PRH1: variants seen among roughly 807,000 people sequenced by gnomAD.
PRH1 encodes proline rich protein HaeIII subfamily 1, also known as salivary acidic proline-rich phosphoprotein 1/2.
Under a neutral mutation model 7.9 loss-of-function variants are expected in PRH1, and 7 were observed. The ratio of observed to expected loss-of-function variants is 0.89; its 90% confidence interval spans 0.50 to 1.67. PRH1 has a LOEUF of 1.67. PRH1 is among the 40% of genes most tolerant of loss of function. PRH1 has a pLI of 0.00. For missense variants in PRH1, 109 were observed against 223.6 expected (o/e 0.49, Z 3.27); for synonymous variants, 45 against 80.8 (o/e 0.56, Z 2.38).
chr12:11,070,853 G>C (rs1944034537), intron 1 of PRH1, among the ~76,000 whole-genome samples: 1 of 151,966 alleles, frequency 6.6e-6, no homozygotes. Context: ...CTTTTTCAGA[G>C]AGACAGTCTC....
chr12:11,164,475 T>C (rs1947513277), intron 1 of PRH1, among the ~76,000 whole-genome samples: 1 of 152,198 alleles, frequency 6.6e-6, no homozygotes, highest in African/African-American at 2.4e-5. Context: ...AATTGGCTCA[T>C]AATTATGATT....
chr12:10,887,386 C>T (rs113936086), upstream of PRH1, among the ~76,000 whole-genome samples: 14 of 152,250 alleles, frequency 9.2e-5, no homozygotes, highest in African/African-American at 3.4e-4. Flanking sequence ...GTCTCTGAGA[C>T]TTCAACTTGC....
At chr12:11,022,544 A>G (rs1308016448) in intron 1 of PRH1, 3 of 1,611,964 alleles carry the variant, frequency 1.9e-6, no homozygotes, top group African/African-American at 1.3e-5. Flanking sequence ...ACCAGAATTG[A>G]TGAAATGATG....
chr12:10,972,871 A>C (rs1334262177), intron 2 of PRH1, among the ~76,000 whole-genome samples: 1 of 151,298 alleles, frequency 6.6e-6, no homozygotes, highest in African/African-American at 2.4e-5. Context: ...GGTTGCTGCT[A>C]ATACCTCTGT....
chr12:11,099,678 CAG>C (rs1373600392), intron 1 of PRH1, among the ~76,000 whole-genome samples: 2 of 152,108 alleles, frequency 1.3e-5, no homozygotes, highest in Non-Finnish European at 2.9e-5. Flanking sequence ...GCCTGGGCAA[CAG>C]AGTGAGACTC....
intron 1 of PRH1, among the ~76,000 whole-genome samples, chr12:11,093,817 A>T (rs1201661398): frequency 8.8e-6 from 1 of 114,070 alleles, no homozygotes; most frequent in African/African-American, 2.9e-5. Context: ...CTTTCCATAG[A>T]GATTTGAGAT....
intron 2 of PRH1, among the ~76,000 whole-genome samples, chr12:10,894,080 C>A (rs1251725555): frequency 1.3e-5 from 2 of 151,886 alleles, no homozygotes; most frequent in African/African-American, 4.8e-5. Flanking sequence ...AAATGAGATC[C>A]TGTATTTGTT....
rs140991418 is a variant in PRH1, at chr12:10,985,601, A to G, written c.-125-11880T>C. Among the ~76,000 whole-genome samples, 346 of 152,292 alleles carry G rather than the reference A, an allele frequency of 2.3e-3. 4 individuals are homozygous for G. Among genetic ancestry groups the G allele is most frequent in the African/African-American group, 7.8e-3 (325 of 41,552 alleles). Reference sequence around the variant, plus strand: ...ATAAGTAAAGATCACACAGTTTTCAAGTGAAACATGATAATATGAAATGTA... The same window carrying G: ...ATAAGTAAAGATCACACAGTTTTCAGGTGAAACATGATAATATGAAATGTA... On this transcript the variant is annotated intron_variant, in intron 1 of 3. Transcript: ENST00000539853.
At chr12:11,069,002 A>G (rs1420360625) in intron 1 of PRH1, among the ~76,000 whole-genome samples, 1 of 126,234 alleles carries the variant, frequency 7.9e-6, no homozygotes, top group African/African-American at 2.6e-5. Flanking sequence ...ACTGCTCTCT[A>G]CAGCTCCCAG....
chr12:10,884,485 C>T (rs1024062485), upstream of PRH1, among the ~76,000 whole-genome samples: 6 of 152,270 alleles, frequency 3.9e-5, no homozygotes, highest in East Asian at 5.8e-4. Context: ...AATGTTTTGA[C>T]GGAACTGTGT....
chr12:11,089,071 G>A (rs540915357), intron 1 of PRH1, among the ~76,000 whole-genome samples: 1 of 116,196 alleles, frequency 8.6e-6, no homozygotes, highest in African/African-American at 2.9e-5. Flanking sequence ...TGGAGGGTAT[G>A]AGCACGCCTC....
intron 2 of PRH1, among the ~76,000 whole-genome samples, chr12:10,893,892 C>A (rs896673269): frequency 6.6e-6 from 1 of 151,878 alleles, no homozygotes; most frequent in Non-Finnish European, 1.5e-5. Context: ...TTACTGTTAC[C>A]TTAAACTTGC....
At chr12:10,970,563 G>GT (rs112603233) in intron 2 of PRH1, among the ~76,000 whole-genome samples, 33,863 of 143,130 alleles carry the variant, frequency 0.24, 3,642 homozygotes, top group Non-Finnish European at 0.25. Context: ...AAGTTTTTTT[G>GT]TTTTTTTTTT....
chr12:10,998,645 T>C (rs925498541), intron 1 of PRH1, among the ~76,000 whole-genome samples: 1 of 152,146 alleles, frequency 6.6e-6, no homozygotes. Context: ...GAATTAGTCC[T>C]ATTTTTCCCA....
At chr12:11,156,847 T>TTTCAA (rs958645279) in intron 1 of PRH1, among the ~76,000 whole-genome samples, 3 of 45,772 alleles carry the variant, frequency 6.6e-5, no homozygotes, top group Non-Finnish European at 2.0e-4. Context: ...AACACCAATT[T>TTTCAA]TTTTTTTTTT....
chr12:10,963,334 A>C (rs1330818996), intron 2 of PRH1, among the ~76,000 whole-genome samples: 1 of 152,228 alleles, frequency 6.6e-6, no homozygotes, highest in Non-Finnish European at 1.5e-5. Flanking sequence ...ACATATATTT[A>C]AGTCATTTCC....
chr12:10,897,381 C>G (rs1182200049), intron 2 of PRH1, among the ~76,000 whole-genome samples: 1 of 146,398 alleles, frequency 6.8e-6, no homozygotes, highest in Non-Finnish European at 1.5e-5. Flanking sequence ...AGTTCAGCCC[C>G]TGGTCACTTG....
intron 1 of PRH1, among the ~76,000 whole-genome samples, chr12:11,170,360 C>G (rs1231882394): frequency 2.6e-5 from 4 of 152,150 alleles, no homozygotes; most frequent in Admixed American, 2.6e-4. Flanking sequence ...TCCTGGCTAA[C>G]ACGGTGAAAC....
intron 1 of PRH1, among the ~76,000 whole-genome samples, chr12:11,027,191 G>A (rs1941960558): frequency 6.6e-6 from 1 of 151,004 alleles, no homozygotes; most frequent in East Asian, 1.9e-4. Context: ...CTTGAGCCCA[G>A]AAGGTTGAGG....
Sources: gnomAD v4.1 joint callset for allele counts (sites outside exome capture counted in the v4.1 genomes callset) on GRCh38, gnomAD v4.1.1 for gene constraint, MANE v1.5 for transcripts, NCBI Gene and HGNC (gene_info 2026-07-23, HGNC 2026-07-21) for gene names.